Variants in ATP2C2 observed in about 807,000 individuals in gnomAD.
ATP2C2 encodes ATPase secretory pathway Ca2+ transporting 2.
ATP2C2 carries 171 observed loss-of-function variants against 110.8 expected under a neutral mutation model. The ratio of observed to expected loss-of-function variants is 1.54; its 90% confidence interval spans 1.36 to 1.75. The LOEUF is 1.75. Among genes scored for constraint, ATP2C2 ranks in the 40% most tolerant of loss-of-function variants. ATP2C2 has a pLI of 0.00. For missense variants in ATP2C2, 1,963 were observed against 1,235.0 expected (o/e 1.59, Z -8.84); for synonymous variants, 804 against 508.4 (o/e 1.58, Z -7.82).
chr16:84,403,255 T>TA (rs562232537), intron 2 of ATP2C2, among the ~76,000 whole-genome samples: 46 of 152,328 alleles, frequency 3.0e-4, no homozygotes, highest in African/African-American at 9.1e-4. Context: ...CAGGCCTATT[T>TA]AAAAAAATGT....
intron 11 of ATP2C2, chr16:84,426,006 A>T (rs1330775591): frequency 1.7e-6 from 1 of 601,362 alleles, no homozygotes; most frequent in East Asian, 2.8e-5. Flanking sequence ...AATGACAGCA[A>T]ATGATCCAGG....
At chr16:84,453,706 G>A (rs373990130) in intron 20 of ATP2C2, among the ~76,000 whole-genome samples, 6 of 152,172 alleles carry the variant, frequency 3.9e-5, no homozygotes, top group East Asian at 1.9e-4. Context: ...GGGCGGACAC[G>A]AGCCCCACCA....
rs114905836 is a variant in ATP2C2, at chr16:84,438,185, A to C, written c.987-981A>C. On this transcript the variant is annotated intron_variant, in intron 11 of 26. Coordinates refer to ENST00000262429, the MANE Select transcript of ATP2C2 (RefSeq NM_014861.4). ...TGTTTGTTTTTACATTTTTTAAAGG[A>C]AAATTTCAAGCCTGTACAAAAGCAG... is the stretch of plus-strand genomic sequence containing the variant. 7.0e-4 allele frequency among the ~76,000 whole-genome samples: 106 copies of C among 152,354 alleles called. 1 individual carries two copies. The highest frequency in any genetic ancestry group is 2.5e-3 in the African/African-American group (105 of 41,574).
chr16:84,432,206 C>G (rs1304974733), intron 11 of ATP2C2, among the ~76,000 whole-genome samples: 2 of 152,112 alleles, frequency 1.3e-5, no homozygotes, highest in Non-Finnish European at 2.9e-5. Flanking sequence ...TTTCATGCAC[C>G]CATCACCTGA....
chr16:84,435,101 C>T (rs925860011), intron 11 of ATP2C2, among the ~76,000 whole-genome samples: 3 of 152,232 alleles, frequency 2.0e-5, no homozygotes, highest in African/African-American at 7.2e-5. Flanking sequence ...TCACCATTCA[C>T]AACCATTCTA....
At chr16:84,425,938 C>A in intron 11 of ATP2C2, 137 bp downstream of exon 11, 1 of 1,040,836 alleles carries the variant, frequency 9.6e-7, no homozygotes, top group Non-Finnish European at 1.5e-6. Flanking sequence ...CAAACTCCAG[C>A]CTCCCAATAG....
chr16:84,390,969 C>T (rs1163223926), intron 1 of ATP2C2, among the ~76,000 whole-genome samples: 1 of 151,848 alleles, frequency 6.6e-6, no homozygotes, highest in Admixed American at 6.6e-5. Flanking sequence ...CAAAAATTAG[C>T]CCGGCGTGGT....
At chr16:84,387,922 G>C (rs11643260) in intron 1 of ATP2C2, among the ~76,000 whole-genome samples, 71,483 of 150,284 alleles carry the variant, frequency 0.48, 17,071 homozygotes, top group South Asian at 0.58. Context: ...GAGATCCCAT[G>C]CCTATTTTTT....
At chr16:84,394,366 C>G (rs952481404) in intron 1 of ATP2C2, among the ~76,000 whole-genome samples, 1 of 152,016 alleles carries the variant, frequency 6.6e-6, no homozygotes, top group Non-Finnish European at 1.5e-5. Context: ...CCCCATTCCC[C>G]CTTCCCCAGT....
At chr16:84,396,837 C>T (rs1905014976) in intron 1 of ATP2C2, among the ~76,000 whole-genome samples, 1 of 151,946 alleles carries the variant, frequency 6.6e-6, no homozygotes. Context: ...GCTTAAAGAT[C>T]TGCGTAATCG....
At chr16:84,448,992 G>C (rs1910013752) in intron 17 of ATP2C2, among the ~76,000 whole-genome samples, 1 of 152,176 alleles carries the variant, frequency 6.6e-6, no homozygotes, top group Non-Finnish European at 1.5e-5. Flanking sequence ...AGGTCTTTTT[G>C]CTCATTGCCT....
At chr16:84,425,042 A>G (rs8051403) in intron 10 of ATP2C2, among the ~76,000 whole-genome samples, 44,056 of 152,076 alleles carry the variant, frequency 0.29, 6,638 homozygotes, top group Non-Finnish European at 0.33. Flanking sequence ...TAGAATGCCC[A>G]AAACAAAACT....
intron 11 of ATP2C2, among the ~76,000 whole-genome samples, chr16:84,438,880 A>G (rs761734944): frequency 2.6e-5 from 4 of 152,326 alleles, no homozygotes; most frequent in African/African-American, 7.2e-5. Context: ...TGTCAATGCA[A>G]AATACTTTTA....
chr16:84,415,439 A>C, intron 6 of ATP2C2, 44 bp from the exon 7 acceptor site: 1 of 1,534,060 alleles, frequency 6.5e-7, no homozygotes, highest in Non-Finnish European at 9.0e-7. Flanking sequence ...CATAAAAACA[A>C]ATGTCAGCAT....
At chr16:84,450,160 C>T (rs752855284) in intron 17 of ATP2C2, among the ~76,000 whole-genome samples, 5 of 152,256 alleles carry the variant, frequency 3.3e-5, no homozygotes, top group African/African-American at 4.8e-5. Flanking sequence ...CCAGTGTACA[C>T]GCAGGTCCTT....
At chr16:84,420,419 C>G (rs983828285) in intron 7 of ATP2C2, among the ~76,000 whole-genome samples, 2 of 151,926 alleles carry the variant, frequency 1.3e-5, no homozygotes, top group African/African-American at 4.8e-5. Context: ...TCCTCCTTCT[C>G]TTCGTAGTTT....
At chr16:84,400,821 A>G (rs1905272663) in intron 2 of ATP2C2, among the ~76,000 whole-genome samples, 1 of 152,202 alleles carries the variant, frequency 6.6e-6, no homozygotes, top group South Asian at 2.1e-4. Flanking sequence ...CTGATCACAG[A>G]TGGTGAGCAC....
At chr16:84,441,174 C>T (rs1056576451) in intron 14 of ATP2C2, among the ~76,000 whole-genome samples, 14 of 152,168 alleles carry the variant, frequency 9.2e-5, no homozygotes, top group Non-Finnish European at 2.9e-5. Flanking sequence ...GGCTAATGCC[C>T]GTTATCCCAG....
At chr16:84,376,150 T>A (rs1486850928) in intron 1 of ATP2C2, among the ~76,000 whole-genome samples, 1 of 152,052 alleles carries the variant, frequency 6.6e-6, no homozygotes, top group Non-Finnish European at 1.5e-5. Context: ...CCTTGCGGCT[T>A]CCCAACACAG....
Sources: allele counts gnomAD v4.1 joint callset (sites outside exome capture counted in the v4.1 genomes callset), GRCh38; gene constraint gnomAD v4.1.1; transcripts MANE v1.5; gene names NCBI Gene and HGNC (gene_info 2026-07-23, HGNC 2026-07-21).